The following LOC400499 variants were observed in gnomAD, a reference collection of about 807,000 sequenced individuals.
the LOC400499 span, among the ~76,000 whole-genome samples, chr16:11,429,138 C>T: frequency 1.3e-5 from 2 of 152,160 alleles, no homozygotes; most frequent in Non-Finnish European, 2.9e-5. Context: ...TAATCCCCAG[C>T]GTCAGGGGTG....
the LOC400499 span, chr16:11,472,129 C>A: frequency 7.6e-6 from 2 of 262,642 alleles, no homozygotes. Flanking sequence ...TATTTCTGCA[C>A]ATATTACCAA....
At chr16:11,385,576 G>T in the LOC400499 span, among the ~76,000 whole-genome samples, 1 of 152,340 alleles carries the variant, frequency 6.6e-6, no homozygotes, top group East Asian at 1.9e-4. Flanking sequence ...AGAGGCCCAG[G>T]GATCCCCCAC....
chr16:11,418,032 C>T, the LOC400499 span, among the ~76,000 whole-genome samples: 1 of 152,164 alleles, frequency 6.6e-6, no homozygotes, highest in African/African-American at 2.4e-5. Context: ...CACATGCACC[C>T]AGGAGACCGT....
At chr16:11,514,538 G>A in the LOC400499 span, 1 of 399,906 alleles carries the variant, frequency 2.5e-6, no homozygotes. Flanking sequence ...GGTCAGGCCG[G>A]GCTGCGGACC....
chr16:11,384,513 A>G, the LOC400499 span, among the ~76,000 whole-genome samples: 1 of 152,160 alleles, frequency 6.6e-6, no homozygotes, highest in African/African-American at 2.4e-5. Flanking sequence ...CAGAGGAGGA[A>G]GAGAAAGCAC....
At chr16:11,455,169 T>G in the LOC400499 span, among the ~76,000 whole-genome samples, 69 of 152,288 alleles carry the variant, frequency 4.5e-4, no homozygotes, top group African/African-American at 1.5e-3. Flanking sequence ...ACACCATATA[T>G]CTCAGCTATG....
At chr16:11,450,323 C>T in the LOC400499 span, among the ~76,000 whole-genome samples, 1 of 152,252 alleles carries the variant, frequency 6.6e-6, no homozygotes, top group Non-Finnish European at 1.5e-5. Flanking sequence ...GCCGAATGTC[C>T]ATCTGTTTCC....
chr16:11,387,351 G>A, the LOC400499 span: 6 of 1,216,276 alleles, frequency 4.9e-6, 1 homozygote, highest in Middle Eastern at 6.3e-4. Context: ...GCTTCCCTTG[G>A]CTGCAGAGGG....
At chr16:11,423,293 T>A in the LOC400499 span, 1 of 398,946 alleles carries the variant, frequency 2.5e-6, no homozygotes, top group Non-Finnish European at 4.4e-6. Context: ...GCTGGCTTCT[T>A]CCCTGACCCC....
the LOC400499 span, among the ~76,000 whole-genome samples, chr16:11,418,842 T>A: frequency 6.6e-6 from 1 of 152,206 alleles, no homozygotes; most frequent in African/African-American, 2.4e-5. Flanking sequence ...TGTAATTCCC[T>A]CCCATGCCAC....
chr16:11,525,356 G>C, the LOC400499 span, among the ~76,000 whole-genome samples: 2 of 151,624 alleles, frequency 1.3e-5, no homozygotes, highest in Non-Finnish European at 2.9e-5. Flanking sequence ...GAGGTAGGGT[G>C]CATTATATAC....
the LOC400499 span, among the ~76,000 whole-genome samples, chr16:11,373,205 G>A: frequency 6.6e-6 from 1 of 152,238 alleles, no homozygotes; most frequent in African/African-American, 2.4e-5. Context: ...AGGCCATGAT[G>A]TGGGGCTCCT....
At chr16:11,511,886 G>A in the LOC400499 span, among the ~76,000 whole-genome samples, 1 of 152,142 alleles carries the variant, frequency 6.6e-6, no homozygotes, top group South Asian at 2.1e-4. Flanking sequence ...AAATAGCCAG[G>A]CATGGTGGCG....
the LOC400499 span, among the ~76,000 whole-genome samples, chr16:11,510,495 G>T: frequency 6.6e-6 from 1 of 151,738 alleles, no homozygotes; most frequent in East Asian, 1.9e-4. Flanking sequence ...CCCTCTTGGC[G>T]CCCCTGTCTA....
At chr16:11,477,948 G>C in the LOC400499 span, 2 of 399,008 alleles carry the variant, frequency 5.0e-6, no homozygotes, top group Non-Finnish European at 8.8e-6. Flanking sequence ...GACACGGTGG[G>C]AAAGACCAGT....
the LOC400499 span, chr16:11,523,710 T>G: frequency 8.6e-6 from 3 of 350,422 alleles, no homozygotes; most frequent in Middle Eastern, 7.3e-4. Context: ...TCATCCCTGA[T>G]AGCTCAAGCT....
At chr16:11,407,970 G>GTTTTTTT in the LOC400499 span, among the ~76,000 whole-genome samples, 4 of 63,456 alleles carry the variant, frequency 6.3e-5, no homozygotes, top group African/African-American at 1.2e-4. Flanking sequence ...TTCCAGAGCT[G>GTTTTTTT]TTTTTTTTTT....
chr16:11,487,329 AAGG>A, the LOC400499 span: 15 of 399,416 alleles, frequency 3.8e-5, no homozygotes, highest in Non-Finnish European at 4.0e-5. Flanking sequence ...ACGGGGAAGA[AAGG>A]AGGCAGGAGA....
the LOC400499 span, among the ~76,000 whole-genome samples, chr16:11,484,615 ATGGGTGTAT>A: frequency 6.6e-6 from 1 of 152,180 alleles, no homozygotes; most frequent in African/African-American, 2.4e-5. Context: ...TGCTGGTGAC[ATGGGTGTAT>A]TGAGGTGGTG....
Sources: gnomAD v4.1 joint callset for allele counts (sites outside exome capture counted in the v4.1 genomes callset) on GRCh38, gnomAD v4.1.1 for gene constraint, MANE v1.5 for transcripts.